The following PACS2 variants were observed in gnomAD, a reference collection of about 807,000 sequenced individuals.
PACS2 encodes phosphofurin acidic cluster sorting protein 2, also known as PACS1-like protein.
PACS2 carries 36 observed loss-of-function variants against 113.0 expected under a neutral mutation model. The observed-to-expected ratio is 0.32, with a 90% CI of 0.24 to 0.42. PACS2 has a LOEUF of 0.42. PACS2 is among the 10% of genes least tolerant of loss of function. The pLI, the probability that PACS2 is intolerant of heterozygous loss-of-function variation, is 1.00. For missense variants in PACS2, 1,015 were observed against 1,239.5 expected, an observed-to-expected ratio of 0.82 and a Z score of 2.72; for synonymous variants, 589 against 536.1, an observed-to-expected ratio of 1.10 and a Z score of -1.36.
chr14:105,378,910 G>A (rs1242098050), intron 9 of PACS2, among the ~76,000 whole-genome samples: 2 of 152,120 alleles, frequency 1.3e-5, no homozygotes, highest in Non-Finnish European at 2.9e-5. Flanking sequence ...CAGCCTGGGT[G>A]GTCTGGAAAG....
rs1253653638 is a variant in PACS2, at chr14:105,323,844, G to A, written c.119+8807G>A. On this transcript the variant is annotated intron_variant, in intron 1 of 24. Coordinates refer to ENST00000447393, the MANE Select transcript of PACS2 (RefSeq NM_001100913.3). This position sits in a 1 kb window ranked among gnomAD's most constrained non-coding sequence, Gnocchi z 4.1. The stretch of plus-strand genomic sequence containing the variant: ...GCAGCACTCGAGCTGGGGCCAAGGG[G>A]CAGCAGGACGGTGCCCGTAGCCCTG... 6.6e-6 allele frequency among the ~76,000 whole-genome samples: 1 copy of A among 152,244 alleles called. No individual in the cohort carries two copies. Among genetic ancestry groups the A allele is most frequent in the East Asian group, 1.9e-4 (1 of 5,192 alleles).
At chr14:105,359,906 A>T in intron 4 of PACS2, among the ~76,000 whole-genome samples, 1 of 152,134 alleles carries the variant, frequency 6.6e-6, no homozygotes, top group East Asian at 1.9e-4. Flanking sequence ...TTGGTATTTC[A>T]AGCATGAGCC....
At position 105,391,778 on chromosome 14, in the gene PACS2, T is replaced by C; in HGVS notation, c.2255+12T>C. On this transcript the variant is annotated intron_variant, in intron 22 of 24. Transcript: ENST00000447393. Reference sequence around the variant, plus strand: ...CTGTCCTCCCCCAGGTAAAGGTGCCTCACGGCTCAGCACGTTTCACTTACC... The same window carrying C: ...CTGTCCTCCCCCAGGTAAAGGTGCCCCACGGCTCAGCACGTTTCACTTACC... 1 of 1,586,814 alleles carries C rather than the reference T, an allele frequency of 6.3e-7. No individual in the cohort carries two copies. Among genetic ancestry groups the C allele is most frequent in the Non-Finnish European group, 8.6e-7 (1 of 1,167,802 alleles).
intron 1 of PACS2, among the ~76,000 whole-genome samples, chr14:105,301,582 C>T (rs2058030415): frequency 1.3e-5 from 2 of 152,286 alleles, no homozygotes; most frequent in South Asian, 4.1e-4. Flanking sequence ...CCACCCTGCC[C>T]CGCCCTCCGC....
rs587678330 is a variant in PACS2, at chr14:105,330,382, A to T, written c.119+15345A>T. On this transcript the variant is annotated intron_variant, in intron 1 of 24. Coordinates refer to ENST00000447393, the MANE Select transcript of PACS2 (RefSeq NM_001100913.3). This position sits in a 1 kb window ranked among gnomAD's most constrained non-coding sequence, Gnocchi z 6.9. ...GTCCGTGTGTCCGTAGGAACGGGGGACAGGAGGTTGTGAAGGGCGTGTGGG... is the reference window on the plus strand; with the variant it reads ...GTCCGTGTGTCCGTAGGAACGGGGGTCAGGAGGTTGTGAAGGGCGTGTGGG... Among the ~76,000 whole-genome samples the T allele has an allele frequency of 1.3e-5, 2 of 151,970 alleles. No individual in the cohort carries two copies. The highest frequency in any genetic ancestry group is 4.1e-4 in the South Asian group (2 of 4,824).
rs1245456211 is a variant in PACS2, at chr14:105,365,547, C to T, written c.424-1666C>T. 6.6e-6 allele frequency among the ~76,000 whole-genome samples: 1 copy of T among 152,162 alleles called. No individual in the cohort carries two copies. Among genetic ancestry groups the T allele is most frequent in the Non-Finnish European group, 1.5e-5 (1 of 68,024 alleles). On this transcript the variant is annotated intron_variant, in intron 4 of 24. Transcript: ENST00000447393. This position sits in a 1 kb window ranked among gnomAD's most constrained non-coding sequence, Gnocchi z 5.1. The stretch of plus-strand genomic sequence containing the variant: ...GGCCCCATTCCTTCCTGCCCTCCCA[C>T]CTGAAGGAGGAAGCGAGCAGGGTTT...
Position 105,382,787 on chromosome 14 carries a change from G to A in PACS2, c.1519-20G>A, listed in dbSNP as rs375484319. Reference sequence around the variant, plus strand: ...CCTGGGCGGCTGTGCCGAAGTCAGCGTCTGCCTGTCTTCTGCCAGTTCCTC... The same window carrying A: ...CCTGGGCGGCTGTGCCGAAGTCAGCATCTGCCTGTCTTCTGCCAGTTCCTC... On this transcript the variant is annotated intron_variant, in intron 14 of 24. Coordinates refer to ENST00000447393, the MANE Select transcript of PACS2 (RefSeq NM_001100913.3). 226 of 1,496,934 alleles carry A rather than the reference G, an allele frequency of 1.5e-4. No homozygotes were observed. The highest frequency in any genetic ancestry group is 1.7e-4 in the Non-Finnish European group (188 of 1,086,904). The allele number at this position is 1,496,934 out of a possible 1,614,324, so 92.7% of individuals were successfully genotyped here. A position where few individuals can be genotyped will look rare whatever the true frequency, so the allele number is the denominator to read the frequency against.
At chr14:105,368,606 G>GA (rs1165320506) in intron 7 of PACS2, 67 bp downstream of exon 7, 5 of 1,225,116 alleles carry the variant, frequency 4.1e-6, no homozygotes, top group Non-Finnish European at 6.1e-6. Flanking sequence ...GGGAGCCTGG[G>GA]CGTGGGGGGG....
intron 4 of PACS2, among the ~76,000 whole-genome samples, chr14:105,362,526 G>A (rs2060765004): frequency 6.6e-6 from 1 of 151,892 alleles, no homozygotes; most frequent in South Asian, 2.1e-4. Context: ...GGCAGCTATA[G>A]CCTTATGAAT....
chr14:105,391,837 T>G (rs1471719670), intron 22 of PACS2, 71 bp downstream of exon 22: 14 of 1,422,548 alleles, frequency 9.8e-6, no homozygotes, highest in Non-Finnish European at 1.2e-5. Flanking sequence ...TCAGTCATCC[T>G]CCCCTATGTC....
At chr14:105,312,137 TC>T (rs1266791486), upstream of PACS2, among the ~76,000 whole-genome samples, 1 of 152,190 alleles carries the variant, frequency 6.6e-6, no homozygotes, top group Admixed American at 6.5e-5. Context: ...TGAATGCGTT[TC>T]CAAGCAGCCC....
chr14:105,304,835 G>A (rs150279012), intron 1 of PACS2, among the ~76,000 whole-genome samples: 504 of 152,314 alleles, frequency 3.3e-3, no homozygotes, highest in Middle Eastern at 0.01. Flanking sequence ...TTATAAAACC[G>A]TCAGATCTCG....
chr14:105,386,475 C>A (rs149595839), intron 19 of PACS2, among the ~76,000 whole-genome samples: 44 of 152,288 alleles, frequency 2.9e-4, no homozygotes, highest in African/African-American at 9.9e-4. Context: ...CCCCCTACAA[C>A]CTTTCATGTT....
At chr14:105,361,356 G>T (rs587679815) in intron 4 of PACS2, among the ~76,000 whole-genome samples, 1 of 152,296 alleles carries the variant, frequency 6.6e-6, no homozygotes, top group South Asian at 2.1e-4. Context: ...AGAAAAAAAG[G>T]CTGGGCACGG....
In PACS2 at chr14:105,384,451, G is replaced by T. The variant is rs2081102207; in HGVS notation, c.1879G>T (p.Ala627Ser). The T allele has an allele frequency of 1.9e-6, 3 of 1,609,710 alleles. No individual in the cohort carries two copies. Among genetic ancestry groups the T allele is most frequent in the South Asian group, 1.1e-5 (1 of 90,948 alleles). ...GAGAGACCTGTTCAACAAGCTGGAG[G>T]CCCAGAGTGCGGGTGAGGCCCGGGC... Reference protein sequence around the residue: ...AWRDLFNKLEAQSAVQDTPDI... With the variant: ...AWRDLFNKLESQSAVQDTPDI... Residue 627 changes from alanine (A) to serine (S), a missense_variant, in exon 17 of 25, where the codon GCC (alanine) becomes TCC (serine). Around this residue, in one of 3 missense-constraint regions of PACS2, gnomAD observed 859 missense variants for 1,056.8 expected, o/e 0.81. Coordinates refer to ENST00000447393, the MANE Select transcript of PACS2 (RefSeq NM_001100913.3).
chr14:105,394,761 G>C lies in PACS2; in HGVS notation c.*89G>C. The C allele has an allele frequency of 1.2e-6, 1 of 857,966 alleles. No individual in the cohort carries two copies. The highest frequency in any genetic ancestry group is 1.3e-5 in the South Asian group (1 of 75,014). 53.1% of individuals were successfully genotyped at this position (857,966 alleles called of 1,614,324 possible). A position where few individuals can be genotyped will look rare whatever the true frequency, so the allele number is the denominator to read the frequency against. On this transcript the variant is annotated 3_prime_UTR_variant, in exon 25 of 25. Coordinates refer to ENST00000447393, the MANE Select transcript of PACS2 (RefSeq NM_001100913.3). ...AACATTTCAGTTTACTACAGAGACA[G>C]ACGCTTAAAACACAAAGAGAAACAG...
intron 18 of PACS2, among the ~76,000 whole-genome samples, 175 bp from the exon 19 acceptor site, chr14:105,385,510 T>C (rs2081145415): frequency 6.6e-6 from 1 of 152,138 alleles, no homozygotes; most frequent in African/African-American, 2.4e-5. Context: ...GTCCCACACC[T>C]TCCCTAGACT....
In PACS2 at chr14:105,381,250, A is replaced by G. The variant is rs2080984171; in HGVS notation, c.1268+151A>G. 3 of 631,560 alleles carry G rather than the reference A, an allele frequency of 4.8e-6. No homozygotes were observed. In the African/African-American group the frequency reaches 5.6e-5, roughly 12 times the overall value. The allele number at this position is 631,560 out of a possible 1,614,324, so 39.1% of individuals were successfully genotyped here. ...GATTCAGGGCCTCGTCCTTCTTAAA[A>G]AGGAGAAGCAAACCCCCTGGCCCGG... On this transcript the variant is annotated intron_variant, in intron 12 of 24. Transcript: ENST00000447393.
chr14:105,385,740 C>T (rs1369392111), intron 19 of PACS2, 23 bp downstream of exon 19: 4 of 1,460,244 alleles, frequency 2.7e-6, no homozygotes, highest in South Asian at 1.3e-5. Flanking sequence ...GGGTCTGCCT[C>T]CCACCCTGTC....
Sources: allele counts gnomAD v4.1 joint callset (sites outside exome capture counted in the v4.1 genomes callset), GRCh38; gene constraint gnomAD v4.1.1; regional missense constraint gnomAD v4.1.1; non-coding constraint Gnocchi (gnomAD v3.1); transcripts MANE v1.5; gene names NCBI Gene and HGNC (gene_info 2026-07-23, HGNC 2026-07-21).